The following SLITRK5 variants were observed in gnomAD, a reference collection of about 807,000 sequenced individuals.
SLITRK5 encodes the protein SLIT and NTRK-like protein 5.
A neutral mutation model predicts 56.2 loss-of-function variants in SLITRK5; 23 were observed. The ratio of observed to expected loss-of-function variants is 0.41; its 90% CI spans 0.29 to 0.58. The LOEUF is 0.58. Among genes scored for constraint, SLITRK5 ranks in the 20% least tolerant of loss-of-function variants. SLITRK5 has a pLI of 0.30. For missense variants in SLITRK5, 1,289 were observed against 1,226.6 expected (o/e 1.05, Z -0.76); for synonymous variants, 637 against 531.8 (o/e 1.20, Z -2.72).
In SLITRK5 at chr13:87,672,038, G is replaced by C. The variant is rs1877054125; in HGVS notation, c.-180G>C. Reference sequence around the variant, plus strand: ...CCCTCTGGCTCGTCCCCCGGCGTGCGCCACTGACCAGGGGGGAATGTGGTG... The same window carrying C: ...CCCTCTGGCTCGTCCCCCGGCGTGCCCCACTGACCAGGGGGGAATGTGGTG... On this transcript the variant is annotated 5_prime_UTR_variant, in exon 1 of 2. Transcript: ENST00000683689. Among the ~76,000 whole-genome samples, 1 of 152,088 alleles carries C rather than the reference G, an allele frequency of 6.6e-6. No homozygotes were observed. Among genetic ancestry groups the C allele is most frequent in the Admixed American group, 6.5e-5 (1 of 15,276 alleles).
At position 87,676,276 on chromosome 13, in the gene SLITRK5, G is replaced by C. The variant is rs551991029; in HGVS notation, c.888G>C (p.Pro296=). ...RRLISDYEMR[P]QTPLSTTGYL... is the part of the protein sequence containing the mutation. ...TTATTTCTGACTACGAGATGAGGCC[G>C]CAGACGCCTTTGAGCACCACGGGGT... Residue 296 remains proline (P), a synonymous_variant, in exon 2 of 2, where the codon CCG becomes CCC. Coordinates refer to ENST00000683689, the MANE Select transcript of SLITRK5 (RefSeq NM_001384609.1). 1.2e-6 allele frequency: 2 copies of C among 1,614,106 alleles called. No individual in the cohort carries two copies. Among genetic ancestry groups the C allele is most frequent in the South Asian group, 1.1e-5 (1 of 91,074 alleles).
In SLITRK5 at chr13:87,676,751, G is replaced by A. The variant is rs771368285; in HGVS notation, c.1363G>A (p.Asp455Asn). The change falls in exon 2 of 2, where the codon GAT becomes AAT. Residue 455 changes from aspartate to asparagine, a missense_variant. Asp to Asn is a conservative substitution (Grantham distance 23). Transcript: ENST00000683689. ...ISMIQDRAFG[D>N]LTNLRRLYLN... ...GATGATCCAGGACCGCGCTTTCGGG[G>A]ATCTCACCAACCTGAGGCGCCTCTA... The A allele has an allele frequency of 6.2e-7, 1 of 1,614,086 alleles. No individual in the cohort carries two copies. The highest frequency in any genetic ancestry group is 1.1e-5 in the South Asian group (1 of 91,086).
rs561253040 is a variant in SLITRK5 at position 87,677,341 on chromosome 13, C to G, written c.1953C>G (p.Ser651Arg). ...VRLNSTGAPASLGAGGGASSV... is the reference protein window; with the variant it reads ...VRLNSTGAPARLGAGGGASSV... ...TGAATAGCACCGGGGCCCCCGCGAG[C>G]TTGGGCGCAGGCGGAGGGGCGTCGT... is the stretch of plus-strand genomic sequence containing the variant. Residue 651 changes from serine (S) to arginine (R), a missense_variant, in exon 2 of 2, where the codon AGC (serine) becomes AGG (arginine). By Grantham distance (110) the Ser-to-Arg change is moderately radical (BLOSUM62 -1). Coordinates refer to ENST00000683689, the MANE Select transcript of SLITRK5 (RefSeq NM_001384609.1). This position sits in a 1 kb window ranked among gnomAD's most constrained non-coding sequence, Gnocchi z 4.7. The G allele has an allele frequency of 6.2e-7, 1 of 1,614,132 alleles. No homozygotes were observed. The highest frequency in any genetic ancestry group is 1.3e-5 in the African/African-American group (1 of 75,072).
intron 1 of SLITRK5, chr13:87,674,507 G>A: frequency 1.9e-6 from 1 of 520,528 alleles, no homozygotes; most frequent in Non-Finnish European, 2.5e-6. Flanking sequence ...CGGAGATTGC[G>A]GATACCTTCG....
At position 87,677,081 on chromosome 13, in the gene SLITRK5, T is replaced by C; in HGVS notation, c.1693T>C (p.Trp565Arg). 6.2e-7 allele frequency: 1 copy of C among 1,614,082 alleles called. No individual in the cohort carries two copies. The change falls in exon 2 of 2, where the codon TGG becomes CGG. Residue 565 changes from tryptophan to arginine, a missense_variant. Around this residue, in one of 3 missense-constraint regions of SLITRK5, gnomAD observed 985 missense variants for 906.0 expected, o/e 1.09. Coordinates refer to ENST00000683689, the MANE Select transcript of SLITRK5 (RefSeq NM_001384609.1). The surrounding 1 kb of genome is among the most constrained non-coding windows in gnomAD (Gnocchi z 4.7). ...LIQIDLHDNPWDCTCDIVGMK... is the reference protein window; with the variant it reads ...LIQIDLHDNPRDCTCDIVGMK... ...CCAAATCGACCTGCATGACAATCCT[T>C]GGGATTGTACCTGTGACATTGTGGG...
Position 87,677,579 on chromosome 13 carries a change from G to C in SLITRK5, c.2191G>C (p.Val731Leu), listed in dbSNP as rs75157858. 6.2e-6 allele frequency: 10 copies of C among 1,609,586 alleles called. No individual in the cohort carries two copies. The highest frequency in any genetic ancestry group is 8.5e-6 in the Non-Finnish European group (10 of 1,177,266). Residue 731 changes from valine (V) to leucine (L), a missense_variant, in exon 2 of 2, where the codon GTG (valine) becomes CTG (leucine). Val to Leu is a conservative substitution (Grantham distance 32, BLOSUM62 1). Transcript: ENST00000683689. The surrounding 1 kb of genome is among the most constrained non-coding windows in gnomAD (Gnocchi z 4.7). Reference sequence around the variant, plus strand: ...CACGGGCGGCCACCCACACGCGCACGTGCATCACCGCGGGCCCGCGCTGCC... The same window carrying C: ...CACGGGCGGCCACCCACACGCGCACCTGCATCACCGCGGGCCCGCGCTGCC... ...GGTGGHPHAH[V>L]HHRGPALPKV...
intron 1 of SLITRK5, among the ~76,000 whole-genome samples, chr13:87,673,253 A>G (rs1291803538): frequency 6.6e-6 from 1 of 150,546 alleles, no homozygotes; most frequent in African/African-American, 2.5e-5. Flanking sequence ...GCGAATTTGC[A>G]TCGGAGGTGC....
In SLITRK5 at chr13:87,675,811, G is replaced by C; in HGVS notation, c.423G>C (p.Leu141=). Residue 141 remains leucine (L), a synonymous_variant, in exon 2 of 2, where the codon CTG becomes CTC. Coordinates refer to ENST00000683689, the MANE Select transcript of SLITRK5 (RefSeq NM_001384609.1). The part of the protein sequence containing the change: ...LRRLHLNNNK[L]ELLRDDTFLG... ...GATTGCATCTAAACAATAATAAACT[G>C]GAACTTCTGCGAGATGATACCTTCC... 6.2e-7 allele frequency: 1 copy of C among 1,614,062 alleles called. No homozygotes were observed. The highest frequency in any genetic ancestry group is 1.1e-5 in the South Asian group (1 of 91,070).
In SLITRK5 at chr13:87,675,496, G is replaced by A. The variant is rs1043442317; in HGVS notation, c.108G>A (p.Ser36=). 1.5e-5 allele frequency: 25 copies of A among 1,613,996 alleles called. No homozygotes were observed. In the African/African-American group the frequency reaches 2.1e-4, roughly 14 times the overall value. ...TTGCTGTAACATCTCTCGTCCTTTC[G>A]TGTGCAGAAACCATCGATTATTATG... ...LAFAVTSLVL[S]CAETIDYYGE... Residue 36 remains serine (S), a synonymous_variant, in exon 2 of 2, where the codon TCG becomes TCA. Coordinates refer to ENST00000683689, the MANE Select transcript of SLITRK5 (RefSeq NM_001384609.1).
rs1877062081 is a variant in SLITRK5, at chr13:87,672,200, G to A, written c.-18G>A. ...GTCGGAGAAAGTTGCCCCCTATGCA[G>A]ATGGCAACTGTGAGTACCCCTGTGG... On this transcript the variant is annotated 5_prime_UTR_variant, in exon 1 of 2. Transcript: ENST00000683689. 6.6e-6 allele frequency among the ~76,000 whole-genome samples: 1 copy of A among 152,042 alleles called. No homozygotes were observed. Among genetic ancestry groups the A allele is most frequent in the African/African-American group, 2.4e-5 (1 of 41,414 alleles).
At position 87,677,559 on chromosome 13, in the gene SLITRK5, G is replaced by A. The variant is rs929491783; in HGVS notation, c.2171G>A (p.Gly724Asp). 1 of 1,608,944 alleles carries A rather than the reference G, an allele frequency of 6.2e-7. No individual in the cohort carries two copies. Among genetic ancestry groups the A allele is most frequent in the Admixed American group, 1.7e-5 (1 of 59,844 alleles). The change falls in exon 2 of 2, where the codon GGC becomes GAC. Residue 724 changes from glycine (G) to aspartate (D), a missense_variant. Around this residue, in one of 3 missense-constraint regions of SLITRK5, gnomAD observed 985 missense variants for 906.0 expected, o/e 1.09. Coordinates refer to ENST00000683689, the MANE Select transcript of SLITRK5 (RefSeq NM_001384609.1). The surrounding 1 kb of genome is among the most constrained non-coding windows in gnomAD (Gnocchi z 4.7). ...GTGTACGGCGGCGGCGGCGGCACGGGCGGCCACCCACACGCGCACGTGCAT... is the reference window on the plus strand; with the variant it reads ...GTGTACGGCGGCGGCGGCGGCACGGACGGCCACCCACACGCGCACGTGCAT... Reference protein sequence around the residue: ...YSVYGGGGGTGGHPHAHVHHR... With the variant: ...YSVYGGGGGTDGHPHAHVHHR...
rs1877407442 is a variant in SLITRK5 at position 87,678,708 on chromosome 13, G to A, written c.*443G>A. 2 of 169,358 alleles carry A rather than the reference G, an allele frequency of 1.2e-5. No individual in the cohort carries two copies. The highest frequency in any genetic ancestry group is 2.8e-5 in the Non-Finnish European group (2 of 71,882). 10.5% of individuals were successfully genotyped at this position (169,358 alleles called of 1,614,324 possible). On this transcript the variant is annotated 3_prime_UTR_variant, in exon 2 of 2. Coordinates refer to ENST00000683689, the MANE Select transcript of SLITRK5 (RefSeq NM_001384609.1). ...TTTAAGCCATGGGTGGGTCTAACTG[G>A]CTTTTGTGGAGAAATTAGCACACCC...
Position 87,677,523 on chromosome 13 carries a change from T to C in SLITRK5, c.2135T>C (p.Met712Thr). ...AACTCCGACGTGAGCTCCTTTAACA[T>C]GCAGTACAGCGTGTACGGCGGCGGC... Reference protein sequence around the residue: ...TNNSDVSSFNMQYSVYGGGGG... With the variant: ...TNNSDVSSFNTQYSVYGGGGG... Residue 712 changes from methionine (M) to threonine (T), a missense_variant, in exon 2 of 2, where the codon ATG becomes ACG. Transcript: ENST00000683689. The surrounding 1 kb of genome is among the most constrained non-coding windows in gnomAD (Gnocchi z 4.7). 6.2e-7 allele frequency: 1 copy of C among 1,611,782 alleles called. No individual in the cohort carries two copies. The highest frequency in any genetic ancestry group is 8.5e-7 in the Non-Finnish European group (1 of 1,179,342).
At chr13:87,673,514 G>A (rs1047365970) in intron 1 of SLITRK5, 42 of 1,257,538 alleles carry the variant, frequency 3.3e-5, no homozygotes, top group Non-Finnish European at 4.3e-5. Context: ...GGAGGGGGAG[G>A]GGACCCAACC....
Position 87,677,024 on chromosome 13 carries a change from A to T in SLITRK5, c.1636A>T (p.Ser546Cys). The T allele has an allele frequency of 6.2e-7, 1 of 1,614,024 alleles. No homozygotes were observed. The highest frequency in any genetic ancestry group is 2.2e-5 in the East Asian group (1 of 44,838). The change falls in exon 2 of 2, where the codon AGT becomes TGT. Residue 546 changes from serine to cysteine, a missense_variant. Coordinates refer to ENST00000683689, the MANE Select transcript of SLITRK5 (RefSeq NM_001384609.1). This position sits in a 1 kb window ranked among gnomAD's most constrained non-coding sequence, Gnocchi z 4.7. The stretch of plus-strand genomic sequence containing the variant: ...TAACCACTTCACCTCCTTGCCAGTG[A>T]GTGGAGTTTTGGACCAGCTGAAGTC... ...RSNHFTSLPVSGVLDQLKSLI... is the reference protein window; with the variant it reads ...RSNHFTSLPVCGVLDQLKSLI...
At position 87,675,997 on chromosome 13, in the gene SLITRK5, G is replaced by C; in HGVS notation, c.609G>C (p.Thr203=). ...ATCTTTTCCGTTTTGTGCCCTTAAC[G>C]CACTTGGACCTCCGGGGGAACCGGC... ...PNNLFRFVPL[T]HLDLRGNRLK... Residue 203 remains threonine, a synonymous_variant, in exon 2 of 2, where the codon ACG becomes ACC. Coordinates refer to ENST00000683689, the MANE Select transcript of SLITRK5 (RefSeq NM_001384609.1). The C allele has an allele frequency of 1.2e-6, 2 of 1,614,066 alleles. No individual in the cohort carries two copies. The highest frequency in any genetic ancestry group is 2.2e-5 in the South Asian group (2 of 91,086).
rs181987087 is a variant in SLITRK5 at position 87,679,344 on chromosome 13, T to C, written c.*1079T>C. On this transcript the variant is annotated 3_prime_UTR_variant, in exon 2 of 2. Transcript: ENST00000683689. The stretch of plus-strand genomic sequence containing the variant: ...TTTATTAATGAACCAAAATGACATG[T>C]TCATTTGACTACTATTGTAGCCGAT... 2 of 167,182 alleles carry C rather than the reference T, an allele frequency of 1.2e-5. No homozygotes were observed. Among genetic ancestry groups the C allele is most frequent in the Non-Finnish European group, 2.9e-5 (2 of 68,108 alleles). 10.4% of individuals were successfully genotyped at this position (167,182 alleles called of 1,614,324 possible).
intron 1 of SLITRK5, among the ~76,000 whole-genome samples, chr13:87,674,007 A>AACACACACACACAC (rs71101016): frequency 9.1e-5 from 13 of 142,614 alleles, no homozygotes; most frequent in African/African-American, 3.3e-4. Context: ...CGCACACACA[A>AACACACACACACAC]ACACACACAC....
chr13:87,675,402 GC>G lies in SLITRK5; in HGVS notation c.20del (p.Pro7GlnfsTer2). ...ACAGGAGGTAAAATGCACACTTGCT[GC>G]CCCCCAGTAACTTTGGAACAGGACC... MHTC[C>X]PPVTLEQDLH... On this transcript the variant is annotated frameshift_variant, in exon 2 of 2. Coordinates refer to ENST00000683689, the MANE Select transcript of SLITRK5 (RefSeq NM_001384609.1). LOFTEE classifies it high-confidence loss of function. 3 of 1,613,584 alleles carry G rather than the reference GC, an allele frequency of 1.9e-6. No individual in the cohort carries two copies. Among genetic ancestry groups the G allele is most frequent in the Non-Finnish European group, 1.7e-6 (2 of 1,179,588 alleles).
Sources: gnomAD v4.1 joint callset for allele counts (sites outside exome capture counted in the v4.1 genomes callset) on GRCh38, gnomAD v4.1.1 for gene constraint, gnomAD v4.1.1 regional missense constraint, Gnocchi (gnomAD v3.1) non-coding constraint, MANE v1.5 for transcripts, NCBI Gene and HGNC (gene_info 2026-07-23, HGNC 2026-07-21) for gene names.